Variants in GAD2 observed in about 807,000 individuals in gnomAD.
GAD2 encodes the protein 65 kDa glutamic acid decarboxylase.
A neutral mutation model predicts 80.1 loss-of-function variants in GAD2; 22 were observed. The ratio of observed to expected loss-of-function variants is 0.27; its 90% CI spans 0.20 to 0.39. The LOEUF (loss-of-function observed/expected upper bound fraction) is 0.39, where lower values mean the gene tolerates loss of function less well. Ranked by LOEUF, GAD2 falls within the 10% of genes least tolerant of loss-of-function variation. The pLI is 1.00. For synonymous variants in GAD2, 274 were observed against 256.9 expected (o/e 1.07, Z -0.64); for missense variants, 624 against 738.4 (o/e 0.85, Z 1.80).
chr10:26,258,276 C>T (rs1411526147), intron 8 of GAD2, among the ~76,000 whole-genome samples: 1 of 152,226 alleles, frequency 6.6e-6, no homozygotes, highest in Non-Finnish European at 1.5e-5. Context: ...GGGGATATGT[C>T]TAACATCACA....
At chr10:26,282,608 C>A in intron 12 of GAD2, among the ~76,000 whole-genome samples, 1 of 152,026 alleles carries the variant, frequency 6.6e-6, no homozygotes, top group East Asian at 1.9e-4. Context: ...ATTCAATGAA[C>A]AATATCTCTA....
At chr10:26,272,310 G>T (rs8190721) in intron 10 of GAD2, among the ~76,000 whole-genome samples, 3,785 of 152,240 alleles carry the variant, frequency 0.025, 161 homozygotes, top group African/African-American at 0.085. Context: ...GACCTTGCTG[G>T]CTGATTCAGG....
At chr10:26,227,881 ATC>A (rs1554850137) in intron 6 of GAD2, among the ~76,000 whole-genome samples, 1 of 152,118 alleles carries the variant, frequency 6.6e-6, no homozygotes, top group Non-Finnish European at 1.5e-5. Context: ...CCTGTCCTGT[ATC>A]TCTAGAGTCC....
At chr10:26,255,585 AT>A (rs1434010982) in intron 8 of GAD2, among the ~76,000 whole-genome samples, 1 of 128,606 alleles carries the variant, frequency 7.8e-6, no homozygotes, top group African/African-American at 3.3e-5. Flanking sequence ...TAGAGAGGAA[AT>A]GTGAATTATG....
At chr10:26,232,469 CTTTTT>C (rs60636223) in intron 7 of GAD2, among the ~76,000 whole-genome samples, 2 of 101,422 alleles carry the variant, frequency 2.0e-5, no homozygotes, top group East Asian at 2.6e-4. Context: ...ACTCAGTCTA[CTTTTT>C]TTTTTTTTTT....
At chr10:26,275,711 A>T (rs1845192777) in intron 11 of GAD2, among the ~76,000 whole-genome samples, 1 of 152,242 alleles carries the variant, frequency 6.6e-6, no homozygotes, top group African/African-American at 2.4e-5. Context: ...TTAGGAAAGA[A>T]ATGTGTCTCA....
At chr10:26,288,343 A>G (rs987593302) in intron 13 of GAD2, among the ~76,000 whole-genome samples, 1 of 152,210 alleles carries the variant, frequency 6.6e-6, no homozygotes, top group Non-Finnish European at 1.5e-5. Context: ...GGCAGCTACA[A>G]GAAGCTAAAT....
At chr10:26,247,362 G>A (rs1354465052) in intron 8 of GAD2, among the ~76,000 whole-genome samples, 1 of 151,680 alleles carries the variant, frequency 6.6e-6, no homozygotes, top group Non-Finnish European at 1.5e-5. Context: ...CCTGTATCTT[G>A]TGCTGACCTC....
chr10:26,224,205 C>T (rs1032819686), intron 5 of GAD2, among the ~76,000 whole-genome samples: 3 of 152,034 alleles, frequency 2.0e-5, no homozygotes, highest in Non-Finnish European at 4.4e-5. Context: ...ACTTTTTTCT[C>T]ACGTTTGATT....
intron 11 of GAD2, among the ~76,000 whole-genome samples, chr10:26,279,883 G>A (rs1328951768): frequency 6.6e-6 from 1 of 152,218 alleles, no homozygotes; most frequent in Non-Finnish European, 1.5e-5. Context: ...GGAAGCAGGG[G>A]CCTTGCCAGA....
At chr10:26,222,473 C>T (rs1413798061) in intron 4 of GAD2, among the ~76,000 whole-genome samples, 1 of 152,006 alleles carries the variant, frequency 6.6e-6, no homozygotes, top group African/African-American at 2.4e-5. Flanking sequence ...CAGCTGCGAG[C>T]ATAATGAAAT....
intron 9 of GAD2, among the ~76,000 whole-genome samples, chr10:26,269,912 C>T (rs999221412): frequency 8.5e-5 from 13 of 152,180 alleles, no homozygotes; most frequent in African/African-American, 3.1e-4. Context: ...ACTAGAACTA[C>T]TTCTAGTAAC....
chr10:26,288,025 A>G lies in GAD2; in HGVS notation c.1386+1531A>G, dbSNP rs189818353. Among the ~76,000 whole-genome samples, 66 of 152,318 alleles carry G rather than the reference A, an allele frequency of 4.3e-4. 1 individual carries two copies. The highest frequency in any genetic ancestry group is 5.2e-4 in the Admixed American group (8 of 15,298). ...GTAGGAACCATGTCCACGGCAATGC[A>G]TTCCTTATGCTTTTGTTTATAATTT... On this transcript the variant is annotated intron_variant, in intron 13 of 15. Transcript: ENST00000376261.
chr10:26,221,486 G>T (rs939392810), intron 4 of GAD2, among the ~76,000 whole-genome samples: 1 of 152,254 alleles, frequency 6.6e-6, no homozygotes, highest in Non-Finnish European at 1.5e-5. Flanking sequence ...TGGTGGTGGT[G>T]CTGGCTGGGG....
intron 15 of GAD2, among the ~76,000 whole-genome samples, chr10:26,294,822 G>A (rs983580459): frequency 1.3e-5 from 2 of 152,172 alleles, no homozygotes; most frequent in Admixed American, 6.5e-5. Flanking sequence ...GGGTGCGGGT[G>A]TCTGCTGTCA....
rs921804954 is a variant in GAD2, at chr10:26,231,135, C to T, written c.840+1358C>T. 2.6e-5 allele frequency among the ~76,000 whole-genome samples: 4 copies of T among 152,100 alleles called. No individual in the cohort carries two copies. In the South Asian group the frequency reaches 6.2e-4, roughly 24 times the overall value. Reference sequence around the variant, plus strand: ...GACTGTTCCTTCATGATCTCTGCCTCACAGTAGCCTGGGCTTTGGAATACA... The same window carrying T: ...GACTGTTCCTTCATGATCTCTGCCTTACAGTAGCCTGGGCTTTGGAATACA... On this transcript the variant is annotated intron_variant, in intron 7 of 15. Coordinates refer to ENST00000376261, the MANE Select transcript of GAD2 (RefSeq NM_001134366.2).
At chr10:26,258,532 C>G (rs1844970845) in intron 8 of GAD2, among the ~76,000 whole-genome samples, 1 of 152,164 alleles carries the variant, frequency 6.6e-6, no homozygotes, top group South Asian at 2.1e-4. Context: ...TTAACACTAA[C>G]TCCCTACCAC....
At position 26,218,068 on chromosome 10, in the gene GAD2, G is replaced by A. The variant is rs1366492144; in HGVS notation, c.286+77G>A. 7 of 1,459,352 alleles carry A rather than the reference G, an allele frequency of 4.8e-6. No individual in the cohort carries two copies. In the Admixed American group the frequency reaches 9.4e-5, roughly 20 times the overall value. The allele number at this position is 1,459,352 out of a possible 1,614,324, so 90.4% of individuals were successfully genotyped here. A position where few individuals can be genotyped will look rare whatever the true frequency, so the allele number is the denominator to read the frequency against. On this transcript the variant is annotated intron_variant, in intron 3 of 15. Coordinates refer to ENST00000376261, the MANE Select transcript of GAD2 (RefSeq NM_001134366.2). ...GCCCACCGCGGCCGGTGCGGGTCCG[G>A]CGCTGAGAGCCGGACAGGGGCGTCG...
At chr10:26,283,425 G>A (rs908579026) in intron 12 of GAD2, among the ~76,000 whole-genome samples, 1 of 152,222 alleles carries the variant, frequency 6.6e-6, no homozygotes, top group Non-Finnish European at 1.5e-5. Flanking sequence ...GCTGTATTTT[G>A]ATTGGACAAG....
Sources: gnomAD v4.1 joint callset for allele counts (sites outside exome capture counted in the v4.1 genomes callset) on GRCh38, gnomAD v4.1.1 for gene constraint, MANE v1.5 for transcripts, NCBI Gene and HGNC (gene_info 2026-07-23, HGNC 2026-07-21) for gene names.